The following ZNF718 variants were observed in gnomAD, a reference collection of about 807,000 sequenced individuals.
ZNF718 encodes zinc finger protein 718.
In ZNF718, 3 loss-of-function variants were observed where a neutral mutation model predicts 2.6. The ratio of observed to expected loss-of-function variants is 1.16; its 90% CI spans 0.53 to 3.01. The LOEUF (loss-of-function observed/expected upper bound fraction) is 3.01. Ranked by LOEUF, ZNF718 falls within the 30% of genes most tolerant of loss-of-function variation. ZNF718 has a pLI of 0.03. For synonymous variants in ZNF718, 135 were observed against 77.9 expected (o/e 1.73, Z -3.86); for missense variants, 468 against 230.0 (o/e 2.03, Z -6.69).
At chr4:149,015 A>G (rs1354956111) in intron 3 of ZNF718, among the ~76,000 whole-genome samples, 1 of 152,138 alleles carries the variant, frequency 6.6e-6, no homozygotes, top group Non-Finnish European at 1.5e-5. Context: ...AATCTTTTAC[A>G]TGGATTTCTA....
At chr4:171,942 GGGAGCTGTAGACT>G (rs1553818120) in intron 3 of ZNF718, among the ~76,000 whole-genome samples, 2 of 152,164 alleles carry the variant, frequency 1.3e-5, no homozygotes, top group Non-Finnish European at 2.9e-5. Context: ...CGCTCACGCT[GGGAGCTGTAGACT>G]GGAGCTGTTC....
At chr4:135,185 T>C (rs1336886060) in intron 3 of ZNF718, among the ~76,000 whole-genome samples, 2 of 147,968 alleles carry the variant, frequency 1.4e-5, no homozygotes, top group South Asian at 2.1e-4. Context: ...GAAATTACAG[T>C]GAGCTGAGAT....
intron 3 of ZNF718, among the ~76,000 whole-genome samples, chr4:140,256 T>C (rs1488667308): frequency 6.6e-6 from 1 of 152,160 alleles, no homozygotes; most frequent in Admixed American, 6.5e-5. Flanking sequence ...CAGAGACATC[T>C]GACACTGAGA....
rs533875280 is a variant in ZNF718, at chr4:171,792, C to T, written c.227-29289C>T. Among the ~76,000 whole-genome samples the T allele has an allele frequency of 3.6e-4, 55 of 152,282 alleles. 1 individual carries two copies. Among genetic ancestry groups the T allele is most frequent in the Middle Eastern group, 3.4e-3 (1 of 294 alleles). On this transcript the variant is annotated intron_variant and NMD_transcript_variant, in intron 3 of 4. Transcript: ENST00000642529. ...GAATTCCCTGACCCGTTGTGCTTCC[C>T]GGGTGAGGCAATGCCTCGCCCTGCT...
intron 3 of ZNF718, among the ~76,000 whole-genome samples, chr4:175,705 A>T (rs1465145052): frequency 1.2e-4 from 18 of 152,136 alleles, no homozygotes; most frequent in African/African-American, 4.3e-4. Flanking sequence ...ACAAGTCATA[A>T]TACTCTGCAG....
intron 3 of ZNF718, among the ~76,000 whole-genome samples, chr4:140,814 ATAAG>A (rs1421807874): frequency 6.6e-6 from 1 of 152,258 alleles, no homozygotes; most frequent in Non-Finnish European, 1.5e-5. Flanking sequence ...AAGAGCACTC[ATAAG>A]TAAGTCTAAG....
intron 3 of ZNF718, among the ~76,000 whole-genome samples, chr4:156,900 TG>T: frequency 6.6e-6 from 1 of 152,160 alleles, no homozygotes; most frequent in Non-Finnish European, 1.5e-5. Context: ...GCAATAATTA[TG>T]AGTGTACAAA....
At chr4:171,864 C>T (rs1717242194) in intron 3 of ZNF718, among the ~76,000 whole-genome samples, 1 of 152,192 alleles carries the variant, frequency 6.6e-6, no homozygotes, top group African/African-American at 2.4e-5. Flanking sequence ...CACCCACTTT[C>T]CAACACTCCC....
chr4:131,729 C>G lies in ZNF718; in HGVS notation c.226+224C>G, dbSNP rs1416822560. ...CTCTACTAAAAATACAAAAATTAGC[C>G]GGGTGTGGTGGCGGGCGCCTGTAAT... On this transcript the variant is annotated intron_variant, in intron 3 of 3. Transcript: ENST00000510175. 2.0e-5 allele frequency among the ~76,000 whole-genome samples: 2 copies of G among 102,250 alleles called. 1 individual carries two copies. Among genetic ancestry groups the G allele is most frequent in the Non-Finnish European group, 4.3e-5 (2 of 46,034 alleles). 67.1% of individuals were successfully genotyped at this position (102,250 alleles called of 152,430 possible).
At chr4:198,085 C>G (rs1398338413) in intron 3 of ZNF718, among the ~76,000 whole-genome samples, 4 of 152,138 alleles carry the variant, frequency 2.6e-5, no homozygotes, top group Non-Finnish European at 4.4e-5. Context: ...GTAGCAGTGG[C>G]ACTTGCTTCA....
chr4:153,939 T>C (rs781882942), intron 3 of ZNF718, among the ~76,000 whole-genome samples: 1 of 152,152 alleles, frequency 6.6e-6, no homozygotes, highest in East Asian at 1.9e-4. Context: ...TATAAGACAG[T>C]GATATGGTTT....
chr4:162,022 C>A lies in ZNF718; in HGVS notation c.1337C>A (p.Thr446Asn). The A allele has an allele frequency of 1.3e-6, 1 of 778,208 alleles. No homozygotes were observed. Among genetic ancestry groups the A allele is most frequent in the South Asian group, 1.3e-5 (1 of 74,350 alleles). The allele number at this position is 778,208 out of a possible 1,614,324, so 48.2% of individuals were successfully genotyped here. A position where few individuals can be genotyped will look rare whatever the true frequency, so the allele number is the denominator to read the frequency against. ...TTGAATAAACATAAGAAAATTCACA[C>A]TGTAGATAAACCCTACAAATGTAAA... ...SHLNKHKKIH[T>N]VDKPYKCKEC... The change falls in exon 4 of 4, where the codon ACT becomes AAT. Residue 446 changes from threonine to asparagine, a missense_variant. Transcript: ENST00000510175.
intron 3 of ZNF718, among the ~76,000 whole-genome samples, chr4:200,460 G>T (rs532395090): frequency 3.9e-5 from 6 of 152,058 alleles, no homozygotes; most frequent in Admixed American, 3.3e-4. Context: ...GTAGAGACAG[G>T]GTTTCACCAT....
intron 3 of ZNF718, among the ~76,000 whole-genome samples, chr4:171,747 CT>C (rs1553818085): frequency 4.6e-5 from 7 of 152,182 alleles, no homozygotes; most frequent in Non-Finnish European, 1.0e-4. Context: ...TCTGTCATCC[CT>C]TTCTTTGACT....
chr4:193,983 T>G (rs1190279041), intron 3 of ZNF718, among the ~76,000 whole-genome samples: 5 of 152,310 alleles, frequency 3.3e-5, no homozygotes, highest in African/African-American at 1.2e-4. Flanking sequence ...TATTAGGCAT[T>G]TGATTTGCCC....
chr4:126,019 C>T (rs1044272368), intron 1 of ZNF718, among the ~76,000 whole-genome samples: 3 of 152,218 alleles, frequency 2.0e-5, no homozygotes, highest in Non-Finnish European at 2.9e-5. Context: ...CAGTGCGTAG[C>T]CCTGCCTGGG....
At chr4:136,855 G>A (rs1468008857) in intron 3 of ZNF718, among the ~76,000 whole-genome samples, 1 of 152,186 alleles carries the variant, frequency 6.6e-6, no homozygotes, top group Non-Finnish European at 1.5e-5. Flanking sequence ...GGGTGTTTGA[G>A]TTTTTTCACT....
chr4:198,138 A>T (rs1418337737), intron 3 of ZNF718, among the ~76,000 whole-genome samples: 8 of 152,162 alleles, frequency 5.3e-5, no homozygotes, highest in African/African-American at 1.9e-4. Flanking sequence ...AGAAGATGCC[A>T]TAGACCTGAG....
At chr4:195,081 AGGGGTG>A (rs1717765575) in intron 3 of ZNF718, among the ~76,000 whole-genome samples, 2 of 152,270 alleles carry the variant, frequency 1.3e-5, no homozygotes, top group African/African-American at 4.8e-5. Context: ...CTTTGTGCTC[AGGGGTG>A]AGTCCTAGAG....
Sources: gnomAD v4.1 joint callset for allele counts (sites outside exome capture counted in the v4.1 genomes callset) on GRCh38, gnomAD v4.1.1 for gene constraint, MANE v1.5 for transcripts, NCBI Gene and HGNC (gene_info 2026-07-23, HGNC 2026-07-21) for gene names.